HEATR3: variants seen among roughly 807,000 people sequenced by gnomAD.
HEATR3 encodes the protein HEAT repeat containing 3.
Under a neutral mutation model 72.8 loss-of-function variants are expected in HEATR3, and 56 were observed. That is an observed-to-expected ratio of 0.77 (90% CI 0.62 to 0.96). The LOEUF (loss-of-function observed/expected upper bound fraction) is 0.96, where lower values mean the gene tolerates loss of function less well. Among genes scored for constraint, HEATR3 ranks in the 40% least tolerant of loss-of-function variants. HEATR3 has a pLI of 0.00. For synonymous variants in HEATR3, 331 were observed against 318.1 expected (o/e 1.04, Z -0.43); for missense variants, 747 against 831.4 (o/e 0.90, Z 1.25).
At chr16:50,076,825 G>A (rs1049158561) in intron 6 of HEATR3, among the ~76,000 whole-genome samples, 1 of 149,038 alleles carries the variant, frequency 6.7e-6, no homozygotes, top group East Asian at 2.0e-4. Context: ...TCAGTCTCCT[G>A]AATAGTTGGC....
intron 7 of HEATR3, among the ~76,000 whole-genome samples, chr16:50,080,514 A>G (rs1013975584): frequency 2.6e-5 from 4 of 151,914 alleles, no homozygotes; most frequent in African/African-American, 9.7e-5. Context: ...CCAACTTGGC[A>G]TTTTTAGTAG....
Position 50,102,486 on chromosome 16 carries a change from A to T in HEATR3, c.1920+51A>T, listed in dbSNP as rs745744795. The T allele has an allele frequency of 3.9e-6, 6 of 1,553,782 alleles. No individual in the cohort carries two copies. In the Admixed American group the frequency reaches 1.0e-4, roughly 27 times the overall value. ...ACATAAGTCTGAACATTCTGTGGGGACAAGGGTGTGTGTAGTTACCGCTGT... is the reference window on the plus strand; with the variant it reads ...ACATAAGTCTGAACATTCTGTGGGGTCAAGGGTGTGTGTAGTTACCGCTGT... On this transcript the variant is annotated intron_variant, in intron 14 of 14. Coordinates refer to ENST00000299192, the MANE Select transcript of HEATR3 (RefSeq NM_182922.4).
At chr16:50,095,663 G>T (rs562350490) in intron 12 of HEATR3, among the ~76,000 whole-genome samples, 61 of 152,106 alleles carry the variant, frequency 4.0e-4, no homozygotes, top group African/African-American at 1.3e-3. Flanking sequence ...AAGTAGCTGG[G>T]ATTACAGGTG....
chr16:50,066,313 C>T (rs1024980028), intron 1 of HEATR3, 44 bp downstream of exon 1: 44 of 1,568,154 alleles, frequency 2.8e-5, no homozygotes, highest in Non-Finnish European at 3.6e-5. Flanking sequence ...GACGAGGTTG[C>T]CCCGCGCGCG....
intron 11 of HEATR3, among the ~76,000 whole-genome samples, chr16:50,089,471 G>A (rs2037061274): frequency 6.6e-6 from 1 of 152,078 alleles, no homozygotes; most frequent in Admixed American, 6.6e-5. Flanking sequence ...AATACCTCTG[G>A]GCTGTCCAGC....
chr16:50,083,209 C>T (rs1477549447), intron 7 of HEATR3, among the ~76,000 whole-genome samples: 1 of 152,146 alleles, frequency 6.6e-6, no homozygotes, highest in African/African-American at 2.4e-5. Context: ...TTATTTTTAG[C>T]TCATGTACTG....
In HEATR3 at chr16:50,084,070, G is replaced by C. The variant is rs761618183; in HGVS notation, c.1132+43G>C. ...TTTAGACATTTTCCCCCTGAGCCAA[G>C]AGGGAAACTCCCGTGGAGATTTTCT... On this transcript the variant is annotated intron_variant, in intron 8 of 14. Coordinates refer to ENST00000299192, the MANE Select transcript of HEATR3 (RefSeq NM_182922.4). 1.9e-6 allele frequency: 3 copies of C among 1,613,806 alleles called. No individual in the cohort carries two copies. The South Asian group carries it at 3.3e-5, about 18-fold the overall frequency.
intron 2 of HEATR3, 143 bp downstream of exon 2, chr16:50,066,682 TC>T (rs1567422087): frequency 9.1e-6 from 7 of 768,174 alleles, no homozygotes; most frequent in Middle Eastern, 4.3e-4. Context: ...TTGAAGCCAG[TC>T]TCCAGGCTCC....
At chr16:50,087,321 C>T (rs2037009836) in intron 11 of HEATR3, among the ~76,000 whole-genome samples, 1 of 152,148 alleles carries the variant, frequency 6.6e-6, no homozygotes, top group Non-Finnish European at 1.5e-5. Flanking sequence ...GGATTAATTT[C>T]ATATGCACAC....
chr16:50,075,634 C>A lies in HEATR3; in HGVS notation c.686C>A (p.Ala229Glu), dbSNP rs1409994755. ...CTGCTGAAGTCTTTCAGTGCTACAG[C>A]ATTGAACATGCTGGAATCAGCACTG... The part of the protein sequence containing the change: ...PELLKSFSAT[A>E]LNMLESALLS... The change falls in exon 6 of 15, where the codon GCA (alanine) becomes GAA (glutamate). Residue 229 changes from alanine to glutamate, a missense_variant. Ala to Glu is a moderately radical substitution (Grantham distance 107). Around this residue, in one of 2 missense-constraint regions of HEATR3, gnomAD observed 586 missense variants for 708.8 expected, o/e 0.83. Transcript: ENST00000299192. The A allele has an allele frequency of 6.2e-7, 1 of 1,613,602 alleles. No homozygotes were observed. Among genetic ancestry groups the A allele is most frequent in the African/African-American group, 1.3e-5 (1 of 74,928 alleles).
intron 12 of HEATR3, among the ~76,000 whole-genome samples, chr16:50,098,588 G>A (rs970894394): frequency 1.2e-4 from 19 of 152,110 alleles, no homozygotes; most frequent in South Asian, 6.2e-4. Context: ...CCCAGGAGGC[G>A]GAGCTTGCAG....
In HEATR3 at chr16:50,084,622, G is replaced by A; in HGVS notation, c.1344G>A (p.Arg448=). ...PNSIAVDLCS[R]NPTWKPLIRK... ...GCATTGCAGTTGACCTATGTTCTAGGAACCCTACTTGGAAACCTTTGATTA... is the reference window on the plus strand; with the variant it reads ...GCATTGCAGTTGACCTATGTTCTAGAAACCCTACTTGGAAACCTTTGATTA... The change falls in exon 10 of 15, where the codon AGG becomes AGA. Residue 448 remains arginine (R), a synonymous_variant. Transcript: ENST00000299192. The A allele has an allele frequency of 6.2e-7, 1 of 1,611,648 alleles. No individual in the cohort carries two copies. Among genetic ancestry groups the A allele is most frequent in the South Asian group, 1.1e-5 (1 of 90,632 alleles).
Position 50,066,511 on chromosome 16 carries a change from G to C in HEATR3, c.283G>C (p.Val95Leu). The C allele has an allele frequency of 7.6e-7, 1 of 1,314,988 alleles. No individual in the cohort carries two copies. The highest frequency in any genetic ancestry group is 9.6e-7 in the Non-Finnish European group (1 of 1,037,080). 81.5% of individuals were successfully genotyped at this position (1,314,988 alleles called of 1,614,324 possible). A position where few individuals can be genotyped will look rare whatever the true frequency, so the allele number is the denominator to read the frequency against. The part of the protein sequence containing the change: ...GPLLLDPSLA[V>L]RETAAGALRN... Reference sequence around the variant, plus strand: ...GCTGCTGCTAGACCCCAGCCTGGCCGTCAGGGAGACTGCAGCCGGCGCGCT... The same window carrying C: ...GCTGCTGCTAGACCCCAGCCTGGCCCTCAGGGAGACTGCAGCCGGCGCGCT... Residue 95 changes from valine (V) to leucine (L), a missense_variant, in exon 2 of 15, where the codon GTC becomes CTC. Physicochemically the swap from Val to Leu is conservative, Grantham distance 32. Around this residue, in one of 2 missense-constraint regions of HEATR3, gnomAD observed 586 missense variants for 708.8 expected, o/e 0.83. Coordinates refer to ENST00000299192, the MANE Select transcript of HEATR3 (RefSeq NM_182922.4).
In HEATR3 at chr16:50,072,680, G is replaced by A. The variant is rs752624337; in HGVS notation, c.588G>A (p.Arg196=). Residue 196 remains arginine, a synonymous_variant, in exon 5 of 15, where the codon AGG becomes AGA. Transcript: ENST00000299192. ...CLEIVLKYLS[R]FPTNVDLAIS... is the part of the protein sequence containing the mutation. ...AGATTGTGTTAAAGTATTTAAGTAGGTTTCCTACCAATGTTGACCTGGCTA... is the reference window on the plus strand; with the variant it reads ...AGATTGTGTTAAAGTATTTAAGTAGATTTCCTACCAATGTTGACCTGGCTA... The A allele has an allele frequency of 3.1e-6, 5 of 1,606,308 alleles. No homozygotes were observed. In the South Asian group the frequency reaches 5.5e-5, roughly 18 times the overall value.
intron 5 of HEATR3, chr16:50,074,991 AT>A (rs936998765): frequency 6.6e-6 from 1 of 151,470 alleles, no homozygotes; most frequent in African/African-American, 2.4e-5. Context: ...CAAAAAAAAA[AT>A]AAAAGAGTCT....
chr16:50,066,548 G>C lies in HEATR3; in HGVS notation c.311+9G>C. On this transcript the variant is annotated intron_variant, in intron 2 of 14. Transcript: ENST00000299192. The stretch of plus-strand genomic sequence containing the variant: ...GCAGCCGGCGCGCTGAGGTGAGCCA[G>C]GAAGGGTGCGGGGCGGTGCCCACCG... 1 of 1,302,928 alleles carries C rather than the reference G, an allele frequency of 7.7e-7. No individual in the cohort carries two copies. The highest frequency in any genetic ancestry group is 9.7e-7 in the Non-Finnish European group (1 of 1,030,136). 80.7% of individuals were successfully genotyped at this position (1,302,928 alleles called of 1,614,324 possible). A position where few individuals can be genotyped will look rare whatever the true frequency, so the allele number is the denominator to read the frequency against.
At chr16:50,092,500 G>A (rs530928330) in intron 11 of HEATR3, among the ~76,000 whole-genome samples, 8 of 139,572 alleles carry the variant, frequency 5.7e-5, no homozygotes, top group East Asian at 4.4e-4. Context: ...GCAGTGGCGC[G>A]ATCTCGGCTC....
intron 5 of HEATR3, among the ~76,000 whole-genome samples, chr16:50,075,281 A>G (rs2036699589): frequency 6.9e-6 from 1 of 145,366 alleles, no homozygotes; most frequent in African/African-American, 2.5e-5. Context: ...GCGCCACTGC[A>G]TTCCAGCCTG....
rs116562405 is a variant in HEATR3 at position 50,095,725 on chromosome 16, C to T, written c.1599+932C>T. On this transcript the variant is annotated intron_variant, in intron 12 of 14. Coordinates refer to ENST00000299192, the MANE Select transcript of HEATR3 (RefSeq NM_182922.4). Reference sequence around the variant, plus strand: ...AACCCTATGAGCCTGCATGCACCGTCGCCAAGCCTCAGCAGGTTATTAGCG... The same window carrying T: ...AACCCTATGAGCCTGCATGCACCGTTGCCAAGCCTCAGCAGGTTATTAGCG... 4.7e-3 allele frequency among the ~76,000 whole-genome samples: 710 copies of T among 152,072 alleles called. 4 individuals carry two copies. The highest frequency in any genetic ancestry group is 0.016 in the African/African-American group (680 of 41,490).
Sources: gnomAD v4.1 joint callset for allele counts (sites outside exome capture counted in the v4.1 genomes callset) on GRCh38, gnomAD v4.1.1 for gene constraint, gnomAD v4.1.1 regional missense constraint, MANE v1.5 for transcripts, NCBI Gene and HGNC (gene_info 2026-07-23, HGNC 2026-07-21) for gene names.